The following SORCS1 variants were observed in gnomAD, a reference collection of about 807,000 sequenced individuals.
The protein encoded by SORCS1 is VPS10 domain-containing receptor SorCS1.
In SORCS1, 60 loss-of-function variants were observed where a neutral mutation model predicts 146.1. The ratio of observed to expected loss-of-function variants is 0.41; its 90% CI spans 0.33 to 0.51. The LOEUF is 0.51. SORCS1 is among the 20% of genes least tolerant of loss of function. The probability of loss-of-function intolerance (pLI) is 0.21; values close to 1 mark genes in which losing one functional copy is unlikely to be tolerated. For missense variants in SORCS1, 1,352 were observed against 1,487.6 expected (o/e 0.91, Z 1.50); for synonymous variants, 637 against 584.0 (o/e 1.09, Z -1.31).
At chr10:106,670,489 G>T (rs142883950) in intron 16 of SORCS1, among the ~76,000 whole-genome samples, 1 of 152,136 alleles carries the variant, frequency 6.6e-6, no homozygotes, top group Non-Finnish European at 1.5e-5. Flanking sequence ...CATCTTCCAT[G>T]AATCTCATAA....
At position 107,084,357 on chromosome 10, in the gene SORCS1, C is replaced by T. The variant is rs7071667; in HGVS notation, c.558+79612G>A. 5.4e-3 allele frequency among the ~76,000 whole-genome samples: 815 copies of T among 151,726 alleles called. 12 individuals are homozygous for T. Among genetic ancestry groups the T allele is most frequent in the African/African-American group, 0.018 (765 of 41,366 alleles). On this transcript the variant is annotated intron_variant, in intron 1 of 25. Coordinates refer to ENST00000263054, the MANE Select transcript of SORCS1 (RefSeq NM_052918.5). ...TGACCTCGTGATCCGCCCGCCTCAG[C>T]CTCCCAAAGTGCTGGGATTACCGGC...
intron 5 of SORCS1, among the ~76,000 whole-genome samples, chr10:106,752,125 T>C (rs1015875680): frequency 1.1e-4 from 17 of 152,176 alleles, no homozygotes; most frequent in South Asian, 2.1e-4. Context: ...AAGCTAGAAA[T>C]TTACACCTGA....
chr10:106,926,840 CACACACACACACACACACACACACACAG>C lies in SORCS1; in HGVS notation c.626+29645_626+29672del. Among the ~76,000 whole-genome samples the C allele has an allele frequency of 3.4e-5, 2 of 58,670 alleles. 1 individual carries two copies. Among genetic ancestry groups the C allele is most frequent in the South Asian group, 1.1e-3 (2 of 1,768 alleles). The allele number at this position is 58,670 out of a possible 152,430, so 38.5% of individuals were successfully genotyped here. ...TAAGGAATATATATACACACACACA[CACACACACACACACACACACACACACAG>C]AGAGAGAGAGAGAGAGAGAGAGAGA... On this transcript the variant is annotated intron_variant, in intron 2 of 25. Coordinates refer to ENST00000263054, the MANE Select transcript of SORCS1 (RefSeq NM_052918.5).
chr10:106,704,970 C>A (rs1032513097), intron 8 of SORCS1, among the ~76,000 whole-genome samples: 1 of 152,160 alleles, frequency 6.6e-6, no homozygotes, highest in Non-Finnish European at 1.5e-5. Flanking sequence ...ATGTTCATTT[C>A]TCTGACAGAC....
At chr10:106,589,012 C>T (rs575801514) in intron 24 of SORCS1, among the ~76,000 whole-genome samples, 3 of 151,990 alleles carry the variant, frequency 2.0e-5, no homozygotes, top group African/African-American at 7.3e-5. Context: ...AGAACAGCTG[C>T]TATTTATAGC....
At chr10:106,704,749 C>T (rs137908994) in intron 8 of SORCS1, among the ~76,000 whole-genome samples, 2 of 152,156 alleles carry the variant, frequency 1.3e-5, no homozygotes, top group East Asian at 1.9e-4. Flanking sequence ...CCCAAGAGTG[C>T]GCATAAGATG....
At chr10:106,844,194 A>C (rs914722752) in intron 2 of SORCS1, among the ~76,000 whole-genome samples, 1 of 152,178 alleles carries the variant, frequency 6.6e-6, no homozygotes, top group African/African-American at 2.4e-5. Flanking sequence ...CTTTGGAAAA[A>C]TGCCTATTCG....
chr10:107,161,189 C>A (rs1478593922), intron 1 of SORCS1, among the ~76,000 whole-genome samples: 1 of 152,172 alleles, frequency 6.6e-6, no homozygotes, highest in Non-Finnish European at 1.5e-5. Context: ...ATCCAGAATT[C>A]CTCACCAGAT....
At chr10:106,854,628 T>C (rs1949714539) in intron 2 of SORCS1, among the ~76,000 whole-genome samples, 1 of 152,066 alleles carries the variant, frequency 6.6e-6, no homozygotes, top group Admixed American at 6.6e-5. Flanking sequence ...CCTCTTCTTT[T>C]TCACTCTTTT....
At position 107,006,685 on chromosome 10, in the gene SORCS1, C is replaced by T. The variant is rs536586084; in HGVS notation, c.559-50105G>A. Among the ~76,000 whole-genome samples, 6 of 152,186 alleles carry T rather than the reference C, an allele frequency of 3.9e-5. No individual in the cohort carries two copies. The South Asian group carries it at 1.2e-3, about 32-fold the overall frequency. The stretch of plus-strand genomic sequence containing the variant: ...ACAAAAAATTAGCCGGATGTGGTGG[C>T]GGGCGCCTGTAGTCCCAGCTACTCA... On this transcript the variant is annotated intron_variant, in intron 1 of 25. Transcript: ENST00000263054.
intron 23 of SORCS1, among the ~76,000 whole-genome samples, chr10:106,602,178 C>A (rs992516473): frequency 2.0e-5 from 3 of 152,132 alleles, no homozygotes; most frequent in African/African-American, 7.2e-5. Flanking sequence ...TGGGCTTAGA[C>A]AAATGTATTA....
intron 5 of SORCS1, among the ~76,000 whole-genome samples, chr10:106,756,138 A>G (rs1385854377): frequency 6.6e-6 from 1 of 151,406 alleles, no homozygotes; most frequent in African/African-American, 2.4e-5. Flanking sequence ...CAAAAAAAAA[A>G]ATAAATAAAA....
chr10:106,864,857 T>C (rs1330202163), intron 2 of SORCS1, among the ~76,000 whole-genome samples: 1 of 152,124 alleles, frequency 6.6e-6, no homozygotes, highest in East Asian at 1.9e-4. Flanking sequence ...AACTGCTCTA[T>C]GAAAACGTGA....
chr10:106,805,995 G>T (rs1394295929), intron 3 of SORCS1, among the ~76,000 whole-genome samples: 1 of 148,786 alleles, frequency 6.7e-6, no homozygotes, highest in Non-Finnish European at 1.5e-5. Context: ...GGGAGGCAGA[G>T]CTTGCAGTGA....
intron 3 of SORCS1, among the ~76,000 whole-genome samples, chr10:106,801,577 G>GGA (rs985314544): frequency 8.5e-5 from 12 of 141,450 alleles, no homozygotes; most frequent in Non-Finnish European, 1.6e-4. Context: ...CTCCCAGGCT[G>GGA]GAGTGCAGTG....
In SORCS1 at chr10:107,022,298, C is replaced by T. The variant is rs186091955; in HGVS notation, c.559-65718G>A. Among the ~76,000 whole-genome samples, 68 of 152,204 alleles carry T rather than the reference C, an allele frequency of 4.5e-4. No homozygotes were observed. The East Asian group carries it at 7.1e-3, about 16-fold the overall frequency. ...ATTCTCATTAGAACAACACAAATGA[C>T]GACACACACTGGTCCGGAGTCCAGA... On this transcript the variant is annotated intron_variant, in intron 1 of 25. Coordinates refer to ENST00000263054, the MANE Select transcript of SORCS1 (RefSeq NM_052918.5).
At chr10:106,959,302 G>T (rs1955111828) in intron 1 of SORCS1, among the ~76,000 whole-genome samples, 1 of 152,222 alleles carries the variant, frequency 6.6e-6, no homozygotes, top group Non-Finnish European at 1.5e-5. Flanking sequence ...ATATCTGCTT[G>T]AATCAATCTA....
intron 3 of SORCS1, among the ~76,000 whole-genome samples, chr10:106,802,236 T>C (rs1003705273): frequency 6.6e-6 from 1 of 152,090 alleles, no homozygotes; most frequent in Non-Finnish European, 1.5e-5. Flanking sequence ...AAGAAAGTAT[T>C]ATGAGAGTGA....
chr10:106,996,225 TAAA>T (rs376245294), intron 1 of SORCS1, among the ~76,000 whole-genome samples: 6 of 99,680 alleles, frequency 6.0e-5, no homozygotes, highest in South Asian at 3.2e-4. Flanking sequence ...AGACTCCATC[TAAA>T]AAAAAAAAAA....
Sources: gnomAD v4.1 joint callset for allele counts (sites outside exome capture counted in the v4.1 genomes callset) on GRCh38, gnomAD v4.1.1 for gene constraint, MANE v1.5 for transcripts, NCBI Gene and HGNC (gene_info 2026-07-23, HGNC 2026-07-21) for gene names.